The following SRPK2 variants were observed in gnomAD, a reference collection of about 807,000 sequenced individuals.
The protein encoded by SRPK2 is SRSF protein kinase 2, also known as SFRS protein kinase 2.
In SRPK2, 21 loss-of-function variants were observed where a neutral mutation model predicts 90.8. The ratio of observed to expected loss-of-function variants is 0.23; its 90% CI spans 0.16 to 0.33. The LOEUF (loss-of-function observed/expected upper bound fraction) is 0.33. Ranked by LOEUF, SRPK2 falls within the 10% of genes least tolerant of loss-of-function variation. SRPK2 has a pLI of 1.00. For synonymous variants in SRPK2, 288 were observed against 311.1 expected, an observed-to-expected ratio of 0.93 and a Z score of 0.78; for missense variants, 620 against 869.0, an observed-to-expected ratio of 0.71 and a Z score of 3.60.
chr7:105,313,123 C>T (rs147292586), intron 2 of SRPK2, among the ~76,000 whole-genome samples: 1 of 151,916 alleles, frequency 6.6e-6, no homozygotes, highest in African/African-American at 2.4e-5. Context: ...AAAGTTAGGA[C>T]TTACTTTTGT....
chr7:105,365,328 T>C (rs1199695021), intron 2 of SRPK2, among the ~76,000 whole-genome samples: 1 of 151,266 alleles, frequency 6.6e-6, no homozygotes, highest in Non-Finnish European at 1.5e-5. Flanking sequence ...CTACTAAAAA[T>C]ACAAAAAATT....
At chr7:105,127,784 AC>A (rs1801420130) in intron 13 of SRPK2, among the ~76,000 whole-genome samples, 1 of 152,228 alleles carries the variant, frequency 6.6e-6, no homozygotes, top group Admixed American at 6.5e-5. Flanking sequence ...GTAACAATAT[AC>A]AAAAATGGCA....
At chr7:105,219,070 C>A (rs941628964) in intron 2 of SRPK2, among the ~76,000 whole-genome samples, 1 of 152,044 alleles carries the variant, frequency 6.6e-6, no homozygotes, top group Non-Finnish European at 1.5e-5. Flanking sequence ...AGCTTCAGCA[C>A]TACAACCAGG....
intron 2 of SRPK2, among the ~76,000 whole-genome samples, chr7:105,332,382 C>T (rs1302228694): frequency 6.6e-6 from 1 of 151,980 alleles, no homozygotes; most frequent in African/African-American, 2.4e-5. Flanking sequence ...CCTTCTATTT[C>T]CAAAAAAAAT....
intron 2 of SRPK2, among the ~76,000 whole-genome samples, chr7:105,250,097 G>A (rs1312204613): frequency 2.6e-5 from 4 of 152,184 alleles, no homozygotes; most frequent in African/African-American, 7.2e-5. Flanking sequence ...ATGGGAGTCC[G>A]AGGGAGGTGG....
intron 2 of SRPK2, among the ~76,000 whole-genome samples, chr7:105,247,582 G>A (rs997778800): frequency 2.3e-5 from 3 of 133,228 alleles, no homozygotes; most frequent in Non-Finnish European, 5.0e-5. Context: ...CCTTTTCTTG[G>A]TTTTTAATTG....
At chr7:105,137,779 T>C (rs945893564) in intron 11 of SRPK2, among the ~76,000 whole-genome samples, 1 of 152,194 alleles carries the variant, frequency 6.6e-6, no homozygotes, top group Non-Finnish European at 1.5e-5. Context: ...CCAGTCTTTC[T>C]TCTACTATGC....
chr7:105,150,775 T>C (rs1030244747), intron 7 of SRPK2, among the ~76,000 whole-genome samples: 4 of 152,208 alleles, frequency 2.6e-5, no homozygotes, highest in Non-Finnish European at 4.4e-5. Flanking sequence ...GTCCAGCCCA[T>C]AGAGGTCAAA....
At chr7:105,161,075 G>A (rs1046689817) in intron 6 of SRPK2, among the ~76,000 whole-genome samples, 6 of 152,002 alleles carry the variant, frequency 3.9e-5, no homozygotes, top group Admixed American at 3.3e-4. Context: ...ACAGGTGCCC[G>A]CCACCACGCT....
At chr7:105,176,692 C>CAT (rs201474950) in intron 3 of SRPK2, among the ~76,000 whole-genome samples, 300 of 71,614 alleles carry the variant, frequency 4.2e-3, no homozygotes, top group African/African-American at 0.016. Flanking sequence ...TGTGTGTGTA[C>CAT]ATATATATGT....
Position 105,296,318 on chromosome 7 carries a change from T to C in SRPK2, c.71+92330A>G, listed in dbSNP as rs148844118. Among the ~76,000 whole-genome samples, 782 of 152,364 alleles carry C rather than the reference T, an allele frequency of 5.1e-3. 11 individuals are homozygous for C. In the East Asian group the frequency reaches 0.055, roughly 11 times the overall value. On this transcript the variant is annotated intron_variant, in intron 2 of 15. Coordinates refer to ENST00000393651, the MANE Select transcript of SRPK2 (RefSeq NM_182692.3). Reference sequence around the variant, plus strand: ...TTTTGATTTCTAGTATTCAGTCCTCTTAATTTACCAACTTTTCTGAATCTT... The same window carrying C: ...TTTTGATTTCTAGTATTCAGTCCTCCTAATTTACCAACTTTTCTGAATCTT...
At chr7:105,149,622 G>A (rs567488328) in intron 7 of SRPK2, among the ~76,000 whole-genome samples, 28 of 152,178 alleles carry the variant, frequency 1.8e-4, no homozygotes, top group South Asian at 1.0e-3. Context: ...CGTCCCACCC[G>A]ACTAGAAATA....
At chr7:105,118,464 C>G (rs1799867044) in intron 15 of SRPK2, among the ~76,000 whole-genome samples, 1 of 152,132 alleles carries the variant, frequency 6.6e-6, no homozygotes, top group Non-Finnish European at 1.5e-5. Context: ...ATTTGTAAAC[C>G]TTGAAGTTAT....
intron 2 of SRPK2, among the ~76,000 whole-genome samples, chr7:105,346,528 G>C (rs1263081986): frequency 6.6e-6 from 1 of 152,048 alleles, no homozygotes; most frequent in Non-Finnish European, 1.5e-5. Context: ...GGGCAAGGCG[G>C]GCGGATCACG....
chr7:105,298,740 T>G, intron 2 of SRPK2: 1 of 985,542 alleles, frequency 1.0e-6, no homozygotes, highest in African/African-American at 1.7e-5. Context: ...TGCCTCACGT[T>G]AGCAGTAGGA....
chr7:105,345,650 ATATT>A (rs1262842278), intron 2 of SRPK2, among the ~76,000 whole-genome samples: 1 of 152,150 alleles, frequency 6.6e-6, no homozygotes, highest in Non-Finnish European at 1.5e-5. Flanking sequence ...GTTCATCTAT[ATATT>A]CATTCATATT....
chr7:105,149,256 T>G (rs567317297), intron 7 of SRPK2, among the ~76,000 whole-genome samples: 1 of 152,200 alleles, frequency 6.6e-6, no homozygotes, highest in East Asian at 1.9e-4. Flanking sequence ...TGGTGGGAGG[T>G]GAGACATGTT....
chr7:105,198,590 G>A (rs930290982), intron 3 of SRPK2, among the ~76,000 whole-genome samples: 9 of 152,130 alleles, frequency 5.9e-5, no homozygotes, highest in African/African-American at 7.2e-5. Flanking sequence ...CATGAGACAC[G>A]GTCAGGGAGT....
chr7:105,138,949 T>C (rs1363066365), intron 11 of SRPK2, among the ~76,000 whole-genome samples: 1 of 152,268 alleles, frequency 6.6e-6, no homozygotes, highest in East Asian at 1.9e-4. Flanking sequence ...GCAGTGTCTG[T>C]GTACACAAAG....
Sources: gnomAD v4.1 joint callset for allele counts (sites outside exome capture counted in the v4.1 genomes callset) on GRCh38, gnomAD v4.1.1 for gene constraint, MANE v1.5 for transcripts, NCBI Gene and HGNC (gene_info 2026-07-23, HGNC 2026-07-21) for gene names.